The following SEC14L1 variants were observed in gnomAD, a reference collection of about 807,000 sequenced individuals.
SEC14L1 encodes the protein SEC14-like protein 1.
In SEC14L1, 48 loss-of-function variants were observed where a neutral mutation model predicts 85.3. The observed-to-expected ratio is 0.56, with a 90% CI of 0.45 to 0.72. The LOEUF is 0.72. Among genes scored for constraint, SEC14L1 ranks in the 30% least tolerant of loss-of-function variants. SEC14L1 has a pLI of 0.00. For synonymous variants in SEC14L1, 391 were observed against 355.5 expected, an observed-to-expected ratio of 1.10 and a Z score of -1.12; for missense variants, 682 against 921.4, an observed-to-expected ratio of 0.74 and a Z score of 3.36.
Position 77,214,825 on chromosome 17 carries a change from C to T in SEC14L1, c.*802C>T. ...GTGCGTCGCCCCTCTCACCTGCAGT[C>T]AGCTCCCAGCCCAGTGTAGGCCATC... On this transcript the variant is annotated 3_prime_UTR_variant, in exon 17 of 17. Transcript: ENST00000436233. 1.0e-6 allele frequency: 1 copy of T among 985,610 alleles called. No individual in the cohort carries two copies. The highest frequency in any genetic ancestry group is 1.2e-6 in the Non-Finnish European group (1 of 830,052). The allele number at this position is 985,610 out of a possible 1,614,324, so 61.1% of individuals were successfully genotyped here.
intron 10 of SEC14L1, among the ~76,000 whole-genome samples, chr17:77,204,522 C>CT (rs745921636): frequency 0.2 from 17,009 of 84,294 alleles, 2,736 homozygotes; most frequent in East Asian, 0.32. Flanking sequence ...GCCCAGCCAG[C>CT]TTTTTTTTTT....
chr17:77,190,853 C>T lies in SEC14L1; in HGVS notation c.114C>T (p.Gly38=), dbSNP rs766960768. ...PTCPLIPMFV[G]SDTVNEFKSE... is the part of the protein sequence containing the mutation. Reference sequence around the variant, plus strand: ...GTCCTTTGATTCCGATGTTCGTGGGCAGTGACACTGTGAATGAATTCAAGA... The same window carrying T: ...GTCCTTTGATTCCGATGTTCGTGGGTAGTGACACTGTGAATGAATTCAAGA... The change falls in exon 4 of 17, where the codon GGC becomes GGT. Residue 38 remains glycine, a synonymous_variant. Transcript: ENST00000436233. 1.2e-6 allele frequency: 2 copies of T among 1,614,178 alleles called. No homozygotes were observed. Among genetic ancestry groups the T allele is most frequent in the Non-Finnish European group, 1.7e-6 (2 of 1,180,016 alleles).
At chr17:77,183,045 C>T (rs1053738828) in intron 3 of SEC14L1, among the ~76,000 whole-genome samples, 2 of 152,222 alleles carry the variant, frequency 1.3e-5, no homozygotes, top group Non-Finnish European at 2.9e-5. Context: ...AATTTGTACA[C>T]GTTTTCACAT....
rs184835205 is a variant in SEC14L1 at position 77,216,780 on chromosome 17, C to T, written c.*2757C>T. On this transcript the variant is annotated 3_prime_UTR_variant, in exon 17 of 17. Transcript: ENST00000436233. The stretch of plus-strand genomic sequence containing the variant: ...CACAAATGCTTACAGGGTTTCCTCC[C>T]GAGTAATCCAATCTCACTCCCCTTG... 2.1e-5 allele frequency: 16 copies of T among 760,950 alleles called. No homozygotes were observed. The highest frequency in any genetic ancestry group is 1.7e-4 in the African/African-American group (10 of 57,454). 47.1% of individuals were successfully genotyped at this position (760,950 alleles called of 1,614,324 possible). A position where few individuals can be genotyped will look rare whatever the true frequency, so the allele number is the denominator to read the frequency against.
At chr17:77,147,787 T>C (rs1354640634) in intron 3 of SEC14L1, among the ~76,000 whole-genome samples, 1 of 152,210 alleles carries the variant, frequency 6.6e-6, no homozygotes, top group Non-Finnish European at 1.5e-5. Context: ...TGGTTGCAGA[T>C]GTCCTGTGTT....
chr17:77,138,527 G>A (rs1229511460), upstream of SEC14L1, among the ~76,000 whole-genome samples: 1 of 152,178 alleles, frequency 6.6e-6, no homozygotes, highest in Non-Finnish European at 1.5e-5. Flanking sequence ...CAGGAGGGCA[G>A]GAGAATCACT....
rs1477953380 is a variant in SEC14L1 at position 77,213,161 on chromosome 17, C to CTG, written c.1864-152_1864-151dup. Among the ~76,000 whole-genome samples the CTG allele has an allele frequency of 6.6e-6, 1 of 152,268 alleles. No homozygotes were observed. Reference sequence around the variant, plus strand: ...GGGAAGGACATTGTCAAACCTGCTGCTGAAGCAAAATAGCAGGTTCTGAAT... The same window carrying CTG: ...GGGAAGGACATTGTCAAACCTGCTGCTGTGAAGCAAAATAGCAGGTTCTGAAT... On this transcript the variant is annotated intron_variant, in intron 15 of 16. Coordinates refer to ENST00000436233, the MANE Select transcript of SEC14L1 (RefSeq NM_001143998.2). The surrounding 1 kb of genome is among the most constrained non-coding windows in gnomAD (Gnocchi z 7.1).
chr17:77,191,064 C>G, intron 4 of SEC14L1, 112 bp downstream of exon 4: 1 of 1,531,200 alleles, frequency 6.5e-7, no homozygotes, highest in Middle Eastern at 1.9e-4. Context: ...AGAGGGCGTC[C>G]TGGAGGGAGA....
chr17:77,188,041 TTAGTTTGGTAATCTTTGTGGATTGCTAC>T (rs1204029706), intron 3 of SEC14L1, among the ~76,000 whole-genome samples: 1 of 152,194 alleles, frequency 6.6e-6, no homozygotes, highest in East Asian at 1.9e-4. Context: ...TGCAACATCT[TTAGTTTGGTAATCTTTGTGGATTGCTAC>T]AGAGTAAATT....
chr17:77,112,022 C>G (rs1466071135), intron 3 of SEC14L1, among the ~76,000 whole-genome samples: 2 of 152,158 alleles, frequency 1.3e-5, no homozygotes, highest in Non-Finnish European at 2.9e-5. Context: ...CTGGGAGGAA[C>G]CCGGTGGGAG....
intron 3 of SEC14L1, among the ~76,000 whole-genome samples, chr17:77,102,961 G>A (rs1375594488): frequency 6.6e-6 from 1 of 151,940 alleles, no homozygotes; most frequent in Non-Finnish European, 1.5e-5. Context: ...ATGCCACCAT[G>A]CCTGGCTAAT....
At chr17:77,199,429 G>T (rs1976000696) in intron 8 of SEC14L1, 2 of 160,716 alleles carry the variant, frequency 1.2e-5, no homozygotes, top group South Asian at 3.0e-4. Context: ...CCTGTCGTCT[G>T]CCCGGAGAGA....
intron 5 of SEC14L1, among the ~76,000 whole-genome samples, chr17:77,192,599 C>T (rs751040624): frequency 3.0e-4 from 46 of 152,206 alleles, no homozygotes; most frequent in Non-Finnish European, 5.9e-4. Context: ...CGGCTCAGGT[C>T]ACCCCTTCTT....
At chr17:77,093,600 C>T (rs1200086110) in intron 3 of SEC14L1, 1 of 152,194 alleles carries the variant, frequency 6.6e-6, no homozygotes, top group African/African-American at 2.4e-5. Flanking sequence ...CAAGTGCCTC[C>T]TTAGCACTTA....
At chr17:77,156,496 A>C (rs1286635675) in intron 3 of SEC14L1, among the ~76,000 whole-genome samples, 3 of 151,268 alleles carry the variant, frequency 2.0e-5, no homozygotes, top group Non-Finnish European at 4.4e-5. Context: ...AATTGCTTGA[A>C]CCCAGGAGGC....
At chr17:77,148,998 C>T (rs753821755) in intron 3 of SEC14L1, among the ~76,000 whole-genome samples, 3 of 152,152 alleles carry the variant, frequency 2.0e-5, no homozygotes, top group African/African-American at 7.2e-5. Flanking sequence ...GTTTCCTGCC[C>T]CCTCTTTTCT....
chr17:77,189,493 T>A (rs1221952815), intron 3 of SEC14L1, among the ~76,000 whole-genome samples: 1 of 152,232 alleles, frequency 6.6e-6, no homozygotes, highest in East Asian at 1.9e-4. Context: ...AAACCAGTGT[T>A]CTCCTGGCTC....
chr17:77,089,198 C>A, exon 2 of SEC14L1: 3 of 332,774 alleles, frequency 9.0e-6, no homozygotes, highest in East Asian at 8.9e-5. Flanking sequence ...TGGCTGAAAA[C>A]ATGCAGCAAC....
chr17:77,184,165 C>T (rs558405286), intron 3 of SEC14L1, among the ~76,000 whole-genome samples: 6 of 152,276 alleles, frequency 3.9e-5, no homozygotes, highest in East Asian at 1.9e-4. Flanking sequence ...TGTCTGCTTC[C>T]GCTGCATCAC....
Sources: allele counts gnomAD v4.1 joint callset (sites outside exome capture counted in the v4.1 genomes callset), GRCh38; gene constraint gnomAD v4.1.1; non-coding constraint Gnocchi (gnomAD v3.1); transcripts MANE v1.5; gene names NCBI Gene and HGNC (gene_info 2026-07-23, HGNC 2026-07-21).